Variants in HNF4G observed in about 807,000 individuals in gnomAD.
HNF4G encodes hepatocyte nuclear factor 4-gamma.
In HNF4G, 21 loss-of-function variants were observed where a neutral mutation model predicts 50.9. The observed-to-expected ratio is 0.41, with a 90% CI of 0.29 to 0.59. The LOEUF (loss-of-function observed/expected upper bound fraction) is 0.59. Among genes scored for constraint, HNF4G ranks in the 20% least tolerant of loss-of-function variants. The probability of loss-of-function intolerance (pLI) is 0.26; values close to 1 mark genes in which losing one functional copy is unlikely to be tolerated. For missense variants in HNF4G, 527 were observed against 559.4 expected (o/e 0.94, Z 0.58); for synonymous variants, 198 against 185.6 (o/e 1.07, Z -0.54).
intron 2 of HNF4G, among the ~76,000 whole-genome samples, chr8:75,491,922 G>A (rs1307873263): frequency 6.6e-6 from 1 of 152,160 alleles, no homozygotes; most frequent in Non-Finnish European, 1.5e-5. Context: ...AACAATGCTT[G>A]CCCCAAACAA....
intron 1 of HNF4G, among the ~76,000 whole-genome samples, chr8:75,487,544 T>C (rs948219390): frequency 2.0e-5 from 3 of 152,196 alleles, no homozygotes; most frequent in African/African-American, 7.2e-5. Context: ...ATTATTTGCC[T>C]TTCTTTGACC....
chr8:75,543,851 C>A lies in HNF4G; in HGVS notation c.159C>A (p.Asn53Lys). The A allele has an allele frequency of 6.2e-7, 1 of 1,612,740 alleles. No homozygotes were observed. The highest frequency in any genetic ancestry group is 8.5e-7 in the Non-Finnish European group (1 of 1,179,294). Residue 53 changes from asparagine (N) to lysine (K), a missense_variant, in exon 2 of 10, where the codon AAC becomes AAA. Coordinates refer to ENST00000396423, the MANE Select transcript of HNF4G (RefSeq NM_004133.5). Reference protein sequence around the residue: ...APETSMNTTDNGVNCLCAICG... With the variant: ...APETSMNTTDKGVNCLCAICG... ...AGACAAGTATGAATACCACAGACAA[C>A]GGTGTCAACTGTCTGTGTGCTATCT...
intron 2 of HNF4G, among the ~76,000 whole-genome samples, chr8:75,515,769 T>G (rs1461342384): frequency 6.6e-6 from 1 of 151,700 alleles, no homozygotes; most frequent in African/African-American, 2.4e-5. Context: ...GGGGCCACCA[T>G]GTTTTTTTTT....
Position 75,566,834 on chromosome 8 carries a change from A to G in HNF4G, c.*2738A>G, listed in dbSNP as rs1260799446. On this transcript the variant is annotated 3_prime_UTR_variant, in exon 10 of 10. Transcript: ENST00000396423. ...CTAAATAAAAACTGAGAAAAAAAAAATCACTGAAACCAGGTGCTTCATTAG... is the reference window on the plus strand; with the variant it reads ...CTAAATAAAAACTGAGAAAAAAAAAGTCACTGAAACCAGGTGCTTCATTAG... The G allele has an allele frequency of 6.7e-6, 1 of 149,562 alleles. No individual in the cohort carries two copies. Among genetic ancestry groups the G allele is most frequent in the African/African-American group, 2.5e-5 (1 of 40,268 alleles). The allele number at this position is 149,562 out of a possible 1,614,324, so 9.3% of individuals were successfully genotyped here. A position where few individuals can be genotyped will look rare whatever the true frequency, so the allele number is the denominator to read the frequency against.
intron 1 of HNF4G, among the ~76,000 whole-genome samples, chr8:75,447,053 A>G (rs1413557568): frequency 7.0e-6 from 1 of 143,006 alleles, no homozygotes. Context: ...TACAGTAACC[A>G]AAACAGCATG....
At chr8:75,533,729 C>T (rs555106977) in intron 2 of HNF4G, among the ~76,000 whole-genome samples, 2 of 151,864 alleles carry the variant, frequency 1.3e-5, no homozygotes, top group South Asian at 4.2e-4. Context: ...AGTTATACAC[C>T]TACCTCTATT....
At chr8:75,546,248 C>A (rs923209599) in intron 2 of HNF4G, among the ~76,000 whole-genome samples, 8 of 152,068 alleles carry the variant, frequency 5.3e-5, no homozygotes, top group South Asian at 2.1e-4. Context: ...ACACAACAAC[C>A]TTTTGTGCAA....
At chr8:75,529,648 TA>T (rs1806276832) in intron 2 of HNF4G, among the ~76,000 whole-genome samples, 1 of 152,080 alleles carries the variant, frequency 6.6e-6, no homozygotes, top group Non-Finnish European at 1.5e-5. Flanking sequence ...ATTAATTACA[TA>T]ACTACCAAAT....
intron 1 of HNF4G, among the ~76,000 whole-genome samples, chr8:75,420,076 C>A (rs1810741971): frequency 6.6e-6 from 1 of 151,864 alleles, no homozygotes; most frequent in Non-Finnish European, 1.5e-5. Context: ...AAAAAAAAAA[C>A]TCCCAATTTT....
At chr8:75,419,955 A>T (rs1810739552) in intron 1 of HNF4G, among the ~76,000 whole-genome samples, 1 of 152,340 alleles carries the variant, frequency 6.6e-6, no homozygotes, top group East Asian at 1.9e-4. Flanking sequence ...GTTGAACAAC[A>T]TATATAAGAC....
At chr8:75,408,554 A>G (rs1399862326) in intron 1 of HNF4G, among the ~76,000 whole-genome samples, 1 of 152,120 alleles carries the variant, frequency 6.6e-6, no homozygotes, top group East Asian at 1.9e-4. Context: ...GGATATTTTA[A>G]ATATAGTATT....
At chr8:75,461,038 G>C (rs1811826813) in intron 1 of HNF4G, among the ~76,000 whole-genome samples, 1 of 152,178 alleles carries the variant, frequency 6.6e-6, no homozygotes, top group African/African-American at 2.4e-5. Flanking sequence ...TAAAGAAAGA[G>C]GTTTATAGAG....
intron 2 of HNF4G, among the ~76,000 whole-genome samples, chr8:75,493,160 G>A (rs1812675875): frequency 1.3e-5 from 2 of 151,960 alleles, no homozygotes; most frequent in African/African-American, 4.8e-5. Context: ...AGTAAAATTT[G>A]GGAAGAAGGG....
At chr8:75,511,107 A>G (rs1203975139) in intron 2 of HNF4G, among the ~76,000 whole-genome samples, 2 of 152,076 alleles carry the variant, frequency 1.3e-5, no homozygotes, top group Non-Finnish European at 1.5e-5. Flanking sequence ...ATTTGACATT[A>G]TAATTATTAT....
chr8:75,494,142 T>C (rs562480201), intron 2 of HNF4G, among the ~76,000 whole-genome samples: 13 of 152,254 alleles, frequency 8.5e-5, no homozygotes, highest in African/African-American at 2.9e-4. Flanking sequence ...ATCAAAGTTG[T>C]CTAAAACATC....
intron 5 of HNF4G, among the ~76,000 whole-genome samples, chr8:75,553,693 T>A (rs1807034915): frequency 6.6e-6 from 1 of 152,166 alleles, no homozygotes; most frequent in Non-Finnish European, 1.5e-5. Context: ...TTACCTTTCA[T>A]GCTGTCAATT....
Position 75,558,542 on chromosome 8 carries a change from A to G in HNF4G, c.758A>G (p.Asn253Ser). The G allele has an allele frequency of 3.7e-6, 6 of 1,613,160 alleles. No individual in the cohort carries two copies. Among genetic ancestry groups the G allele is most frequent in the Non-Finnish European group, 5.1e-6 (6 of 1,179,668 alleles). ...LLGNNYVIHR[N>S]SCEVEISRVA... ...GGAAACAACTATGTTATTCACCGCA[A>G]CAGCTGTGAAGTTGAGATTAGCCGT... The change falls in exon 7 of 10, where the codon AAC (asparagine) becomes AGC (serine). Residue 253 changes from asparagine (N) to serine (S), a missense_variant. This residue lies in a region of HNF4G where 308 missense variants were observed against 301.5 expected (regional missense o/e 1.02). Coordinates refer to ENST00000396423, the MANE Select transcript of HNF4G (RefSeq NM_004133.5).
chr8:75,469,582 A>G (rs373673714), intron 1 of HNF4G, among the ~76,000 whole-genome samples: 1 of 152,170 alleles, frequency 6.6e-6, no homozygotes, highest in African/African-American at 2.4e-5. Context: ...AAGACAGAGA[A>G]GAAAGGGCCT....
chr8:75,528,636 A>G (rs900223198), intron 2 of HNF4G, among the ~76,000 whole-genome samples: 1 of 152,214 alleles, frequency 6.6e-6, no homozygotes, highest in Non-Finnish European at 1.5e-5. Flanking sequence ...AAATGGTTCA[A>G]TGCAGATGTC....
Sources: allele counts gnomAD v4.1 joint callset (sites outside exome capture counted in the v4.1 genomes callset), GRCh38; gene constraint gnomAD v4.1.1; regional missense constraint gnomAD v4.1.1; transcripts MANE v1.5; gene names NCBI Gene and HGNC (gene_info 2026-07-23, HGNC 2026-07-21).